The following OXNAD1 variants were observed in gnomAD, a reference collection of about 807,000 sequenced individuals.
OXNAD1 encodes the protein oxidoreductase NAD binding domain containing 1.
OXNAD1 carries 34 observed loss-of-function variants against 32.9 expected under a neutral mutation model. The ratio of observed to expected loss-of-function variants is 1.03; its 90% CI spans 0.79 to 1.38. OXNAD1 has a LOEUF of 1.38. Ranked by LOEUF, OXNAD1 falls within the 40% of genes most tolerant of loss-of-function variation. OXNAD1 has a pLI of 0.00. For synonymous variants in OXNAD1, 134 were observed against 135.2 expected, an observed-to-expected ratio of 0.99 and a Z score of 0.06; for missense variants, 407 against 379.4, an observed-to-expected ratio of 1.07 and a Z score of -0.60.
rs948059658 is a variant in OXNAD1 at position 16,278,698 on chromosome 3, C to A, written c.183+6976C>A. ...TCCTTTATGTTACAGCAGAATATGA[C>A]ACTCTGTTTAGACGGACAAGGCTTA... On this transcript the variant is annotated intron_variant, in intron 4 of 8. Transcript: ENST00000285083. Among the ~76,000 whole-genome samples the A allele has an allele frequency of 3.3e-5, 5 of 152,192 alleles. 1 individual carries two copies. Among genetic ancestry groups the A allele is most frequent in the South Asian group, 2.1e-4 (1 of 4,824 alleles).
At chr3:16,349,932 C>T (rs1245082651) in exon 10 of OXNAD1, 2 of 152,266 alleles carry the variant, frequency 1.3e-5, no homozygotes, top group Admixed American at 6.5e-5. Flanking sequence ...ATTCCTTCCT[C>T]TTCCGGGATC....
intron 9 of OXNAD1, chr3:16,326,986 T>G (rs1574977842): frequency 4.0e-6 from 3 of 755,332 alleles, no homozygotes; most frequent in Non-Finnish European, 6.4e-6. Flanking sequence ...GAAGTGGCGG[T>G]GCCCGGCCAC....
intron 6 of OXNAD1, among the ~76,000 whole-genome samples, chr3:16,300,137 A>C (rs2067075705): frequency 6.6e-6 from 1 of 152,238 alleles, no homozygotes; most frequent in Admixed American, 6.5e-5. Context: ...CAACTCGGTC[A>C]GATCCAATGC....
intron 4 of OXNAD1, among the ~76,000 whole-genome samples, chr3:16,281,576 C>T (rs2065742113): frequency 6.6e-6 from 1 of 152,180 alleles, no homozygotes; most frequent in Non-Finnish European, 1.5e-5. Context: ...GGATACTCAG[C>T]CTGTCATACC....
At chr3:16,310,826 CTAA>C (rs1246347158), downstream of OXNAD1, among the ~76,000 whole-genome samples, 3 of 151,916 alleles carry the variant, frequency 2.0e-5, no homozygotes, top group Non-Finnish European at 4.4e-5. Context: ...ACTGTCTTTA[CTAA>C]TAATGTAAAA....
intron 9 of OXNAD1, chr3:16,347,928 GC>G (rs1190682027): frequency 6.6e-6 from 1 of 152,224 alleles, no homozygotes; most frequent in East Asian, 1.9e-4. Context: ...CAGTGAGGGA[GC>G]GGGAGAAGTC....
rs1457983326 is a variant in OXNAD1, at chr3:16,277,212, C to T, written c.183+5490C>T. Reference sequence around the variant, plus strand: ...AAAGTGCTGGGATTACAGGCATGAGCCACAGCTCCTGGCCCTCCTCTTCTG... The same window carrying T: ...AAAGTGCTGGGATTACAGGCATGAGTCACAGCTCCTGGCCCTCCTCTTCTG... On this transcript the variant is annotated intron_variant, in intron 4 of 8. Coordinates refer to ENST00000285083, the MANE Select transcript of OXNAD1 (RefSeq NM_138381.5). This position sits in a 1 kb window ranked among gnomAD's most constrained non-coding sequence, Gnocchi z 4.3. Among the ~76,000 whole-genome samples the T allele has an allele frequency of 6.6e-6, 1 of 152,170 alleles. No homozygotes were observed. Among genetic ancestry groups the T allele is most frequent in the Non-Finnish European group, 1.5e-5 (1 of 68,026 alleles).
intron 4 of OXNAD1, among the ~76,000 whole-genome samples, chr3:16,279,144 G>A (rs781351675): frequency 1.3e-5 from 2 of 152,210 alleles, no homozygotes; most frequent in East Asian, 1.9e-4. Flanking sequence ...AGTGCTTGAC[G>A]CTCCTGGCTT....
At chr3:16,283,650 A>G (rs62233911) in intron 4 of OXNAD1, among the ~76,000 whole-genome samples, 36,063 of 152,048 alleles carry the variant, frequency 0.24, 5,968 homozygotes, top group African/African-American at 0.48. Context: ...AGTTGTCAGC[A>G]GAAGGTGGGA....
chr3:16,324,852 G>A (rs1335052738), intron 9 of OXNAD1, among the ~76,000 whole-genome samples: 2 of 152,008 alleles, frequency 1.3e-5, no homozygotes, highest in East Asian at 3.9e-4. Context: ...AAGTGGGTTT[G>A]CTGGATCATG....
At chr3:16,270,224 T>C (rs2064826384) in intron 2 of OXNAD1, among the ~76,000 whole-genome samples, 1 of 152,250 alleles carries the variant, frequency 6.6e-6, no homozygotes, top group African/African-American at 2.4e-5. Context: ...ATTTCTGACA[T>C]CATGGATTCA....
chr3:16,337,740 C>CA (rs5846920), downstream of OXNAD1, among the ~76,000 whole-genome samples: 4,608 of 94,910 alleles, frequency 0.049, 184 homozygotes, highest in African/African-American at 0.11. The surrounding 1 kb of genome is among the most constrained non-coding windows in gnomAD (Gnocchi z 5.0). Flanking sequence ...GACTCCATCT[C>CA]AAAAAAAAAA....
downstream of OXNAD1, among the ~76,000 whole-genome samples, chr3:16,306,948 G>A (rs374473406): frequency 6.6e-6 from 1 of 152,130 alleles, no homozygotes; most frequent in South Asian, 2.1e-4. Context: ...AATTGTTTTA[G>A]CAGCCATTGA....
chr3:16,315,335 C>G (rs543642827), intron 9 of OXNAD1, among the ~76,000 whole-genome samples: 1 of 152,256 alleles, frequency 6.6e-6, no homozygotes, highest in Non-Finnish European at 1.5e-5. Context: ...AGGCTGGTCT[C>G]GAACTCCTGA....
At position 16,301,617 on chromosome 3, in the gene OXNAD1, C is replaced by T. The variant is rs749177832; in HGVS notation, c.433-9C>T. The T allele has an allele frequency of 4.3e-6, 7 of 1,613,226 alleles. No individual in the cohort carries two copies. The African/African-American group carries it at 8.0e-5, about 18-fold the overall frequency. On this transcript the variant is annotated splice_polypyrimidine_tract_variant and intron_variant, in intron 6 of 8. Transcript: ENST00000285083. This position sits in a 1 kb window ranked among gnomAD's most constrained non-coding sequence, Gnocchi z 4.1. ...AAAAGACTAAAAGGTCTTTTCTTTCCTGCCTTAGTGTACACTTGACTGTGA... is the reference window on the plus strand; with the variant it reads ...AAAAGACTAAAAGGTCTTTTCTTTCTTGCCTTAGTGTACACTTGACTGTGA...
intron 9 of OXNAD1, among the ~76,000 whole-genome samples, chr3:16,326,466 G>A (rs974808202): frequency 1.3e-5 from 2 of 152,216 alleles, no homozygotes; most frequent in Admixed American, 6.5e-5. Context: ...GCACATAGTA[G>A]GTGCTGAATT....
chr3:16,311,011 A>AAAAG (rs1472119686), downstream of OXNAD1, among the ~76,000 whole-genome samples: 923 of 136,038 alleles, frequency 6.8e-3, 31 homozygotes, highest in African/African-American at 0.019. Flanking sequence ...AAAAAAAAAA[A>AAAAG]AAATCATCTG....
downstream of OXNAD1, among the ~76,000 whole-genome samples, chr3:16,341,328 T>C (rs112385811): frequency 1.2e-3 from 177 of 152,336 alleles, 1 homozygote; most frequent in Non-Finnish European, 1.5e-3. This position sits in a 1 kb window ranked among gnomAD's most constrained non-coding sequence, Gnocchi z 4.7. Flanking sequence ...AGCTGAAAAC[T>C]TTTGTCCACA....
rs1559721786 is a variant in OXNAD1, at chr3:16,271,511, T to TA, written c.120-147dup. 1 of 656,636 alleles carries TA rather than the reference T, an allele frequency of 1.5e-6. No individual in the cohort carries two copies. Among genetic ancestry groups the TA allele is most frequent in the East Asian group, 3.1e-5 (1 of 31,848 alleles). The allele number at this position is 656,636 out of a possible 1,614,324, so 40.7% of individuals were successfully genotyped here. A position where few individuals can be genotyped will look rare whatever the true frequency, so the allele number is the denominator to read the frequency against. ...GAGCCACCATGCCCGGCCAAAACTTTAGTTAGACGGGCAGATACTCACTGG... is the reference window on the plus strand; with the variant it reads ...GAGCCACCATGCCCGGCCAAAACTTTAAGTTAGACGGGCAGATACTCACTGG... On this transcript the variant is annotated intron_variant, in intron 3 of 8. Coordinates refer to ENST00000285083, the MANE Select transcript of OXNAD1 (RefSeq NM_138381.5). The surrounding 1 kb of genome is among the most constrained non-coding windows in gnomAD (Gnocchi z 4.6).
Sources: gnomAD v4.1 joint callset for allele counts (sites outside exome capture counted in the v4.1 genomes callset) on GRCh38, gnomAD v4.1.1 for gene constraint, Gnocchi (gnomAD v3.1) non-coding constraint, MANE v1.5 for transcripts, NCBI Gene and HGNC (gene_info 2026-07-23, HGNC 2026-07-21) for gene names.